ANO1: variants seen among roughly 807,000 people sequenced by gnomAD.
ANO1 encodes the protein anoctamin-1.
Under a neutral mutation model 124.0 loss-of-function variants are expected in ANO1, and 59 were observed. The observed-to-expected ratio is 0.48, with a 90% CI of 0.39 to 0.59. The LOEUF is 0.59. Among genes scored for constraint, ANO1 ranks in the 20% least tolerant of loss-of-function variants. The pLI is 0.00. For synonymous variants in ANO1, 529 were observed against 532.0 expected (o/e 0.99, Z 0.08); for missense variants, 1,059 against 1,328.0 (o/e 0.80, Z 3.15).
intron 1 of ANO1, among the ~76,000 whole-genome samples, chr11:70,010,700 T>C (rs1220339441): frequency 1.3e-5 from 2 of 151,980 alleles, no homozygotes; most frequent in African/African-American, 4.8e-5. Context: ...CTCATCACTG[T>C]CCCTCAAACA....
intron 1 of ANO1, among the ~76,000 whole-genome samples, chr11:70,005,112 C>CAAAAAA (rs3078420): frequency 1.6e-4 from 21 of 134,978 alleles, no homozygotes; most frequent in East Asian, 4.7e-4. Flanking sequence ...GATTCCAACT[C>CAAAAAA]AAAAAAAAAA....
At chr11:70,158,377 C>T (rs1022828944) in intron 16 of ANO1, among the ~76,000 whole-genome samples, 13 of 152,242 alleles carry the variant, frequency 8.5e-5, no homozygotes, top group African/African-American at 2.2e-4. Context: ...CACCTAGCCC[C>T]GAGTCCTGGT....
intron 1 of ANO1, among the ~76,000 whole-genome samples, chr11:70,057,872 CAAAACAAAACAAAATAGTGGA>C (rs1461181120): frequency 6.6e-5 from 10 of 152,184 alleles, no homozygotes; most frequent in African/African-American, 1.4e-4. Context: ...CAAAACAAAA[CAAAACAAAACAAAATAGTGGA>C]AAAACAAAAC....
chr11:70,161,842 G>C, intron 18 of ANO1, 109 bp downstream of exon 18: 1 of 1,047,628 alleles, frequency 9.5e-7, no homozygotes, highest in Non-Finnish European at 1.4e-6. Context: ...GGCAGACACC[G>C]TGGCACCCGC....
Position 70,125,868 on chromosome 11 carries a change from G to A in ANO1, c.963-193G>A, listed in dbSNP as rs533770849. Among the ~76,000 whole-genome samples the A allele has an allele frequency of 6.1e-4, 92 of 151,502 alleles. 3 individuals carry two copies. The South Asian group carries it at 0.018, about 30-fold the overall frequency. ...CAAAAAAAAACAAAAAAAGAGAGAA[G>A]AGGGGAGGGCTTCAGAAAAGCAGAG... On this transcript the variant is annotated intron_variant, in intron 9 of 25. Coordinates refer to ENST00000355303, the MANE Select transcript of ANO1 (RefSeq NM_018043.7).
chr11:70,117,983 C>T (rs2046058170), intron 8 of ANO1, among the ~76,000 whole-genome samples: 1 of 152,228 alleles, frequency 6.6e-6, no homozygotes, highest in Non-Finnish European at 1.5e-5. Flanking sequence ...GAACTCCCGA[C>T]TCCAATCCTG....
At chr11:70,010,181 A>ATGTGTG (rs1287857780) in intron 1 of ANO1, among the ~76,000 whole-genome samples, 413 of 51,042 alleles carry the variant, frequency 8.1e-3, no homozygotes, top group East Asian at 0.016. Context: ...GTGTGTGTGT[A>ATGTGTG]TATATATATA....
At chr11:69,972,186 C>CA in the ANO1 span, among the ~76,000 whole-genome samples, 210 of 86,408 alleles carry the variant, frequency 2.4e-3, 1 homozygote, top group African/African-American at 3.2e-3. Flanking sequence ...GACTCCGTCT[C>CA]AAAAAAAAAA....
At chr11:70,117,069 G>A (rs2046002171) in intron 8 of ANO1, among the ~76,000 whole-genome samples, 1 of 150,782 alleles carries the variant, frequency 6.6e-6, no homozygotes, top group Non-Finnish European at 1.5e-5. Context: ...AACACTGGGT[G>A]ACCCCTTTAT....
chr11:70,108,317 A>G, intron 5 of ANO1, 36 bp from the exon 6 acceptor site: 2 of 1,597,682 alleles, frequency 1.3e-6, no homozygotes, highest in Non-Finnish European at 1.7e-6. Flanking sequence ...AGGTGCCTTA[A>G]GTAACTGCTC....
chr11:70,119,554 G>A (rs928188035), intron 8 of ANO1, among the ~76,000 whole-genome samples: 19 of 151,636 alleles, frequency 1.3e-4, no homozygotes, highest in Admixed American at 1.2e-3. Flanking sequence ...ATGGGTGCTG[G>A]AGGAATGAAT....
chr11:70,173,610 C>G (rs957661762), intron 22 of ANO1, among the ~76,000 whole-genome samples: 1 of 152,184 alleles, frequency 6.6e-6, no homozygotes, highest in Admixed American at 6.5e-5. Context: ...TGCTCTAGGT[C>G]AGAGGTTTGC....
intron 10 of ANO1, 75 bp downstream of exon 10, chr11:70,126,270 A>T: frequency 6.6e-7 from 1 of 1,510,716 alleles, no homozygotes; most frequent in Non-Finnish European, 8.9e-7. Flanking sequence ...TGCACAATTC[A>T]TTGGGACACT....
chr11:70,089,198 C>G (rs139102847), intron 2 of ANO1, among the ~76,000 whole-genome samples: 1 of 152,320 alleles, frequency 6.6e-6, no homozygotes, highest in East Asian at 1.9e-4. Flanking sequence ...GACAAAGTCT[C>G]TAAAACACAT....
At chr11:70,014,882 G>A (rs1403912389) in intron 1 of ANO1, 1 of 148,328 alleles carries the variant, frequency 6.7e-6, no homozygotes, top group East Asian at 2.0e-4. Flanking sequence ...CTGTCGCTCA[G>A]GTTGGAATGC....
chr11:69,999,691 A>G (rs1430694426), intron 1 of ANO1, among the ~76,000 whole-genome samples: 1 of 152,214 alleles, frequency 6.6e-6, no homozygotes, highest in Non-Finnish European at 1.5e-5. Flanking sequence ...TGCCTAGCAC[A>G]GGGACTGTCA....
At chr11:70,067,389 G>A (rs1292971750) in intron 1 of ANO1, among the ~76,000 whole-genome samples, 11 of 146,444 alleles carry the variant, frequency 7.5e-5, no homozygotes, top group African/African-American at 1.8e-4. Context: ...GTGCAGTGGC[G>A]CAATCTCCGC....
At chr11:70,124,311 G>T (rs1281333660) in intron 8 of ANO1, 39 bp from the exon 9 acceptor site, 3 of 1,606,160 alleles carry the variant, frequency 1.9e-6, no homozygotes, top group African/African-American at 1.3e-5. Flanking sequence ...ACCTCGGAGT[G>T]CCACATTGTC....
intron 22 of ANO1, among the ~76,000 whole-genome samples, chr11:70,172,283 T>A (rs1438582086): frequency 1.3e-5 from 2 of 152,044 alleles, no homozygotes; most frequent in African/African-American, 4.8e-5. Flanking sequence ...GTGAGGGGTA[T>A]GGGAGCCCCA....
Sources: gnomAD v4.1 joint callset for allele counts (sites outside exome capture counted in the v4.1 genomes callset) on GRCh38, gnomAD v4.1.1 for gene constraint, MANE v1.5 for transcripts, NCBI Gene and HGNC (gene_info 2026-07-23, HGNC 2026-07-21) for gene names.